The following FRMPD4 variants were observed in gnomAD, a reference collection of about 807,000 sequenced individuals.
FRMPD4 encodes the protein FERM and PDZ domain-containing protein 4.
Under a neutral mutation model 94.1 loss-of-function variants are expected in FRMPD4, and 22 were observed. That is an observed-to-expected ratio of 0.23 (90% CI 0.17 to 0.33). The LOEUF is 0.33. FRMPD4 is among the 10% of genes least tolerant of loss of function. FRMPD4 has a pLI of 1.00. For synonymous variants in FRMPD4, 631 were observed against 548.6 expected, an observed-to-expected ratio of 1.15 and a Z score of -2.10; for missense variants, 1,111 against 1,339.9, an observed-to-expected ratio of 0.83 and a Z score of 2.67.
chrX:12,550,557 CT>C (rs1329714144), intron 2 of FRMPD4, among the ~76,000 whole-genome samples: 1 of 111,602 alleles, frequency 9.0e-6, no homozygotes, highest in Non-Finnish European at 1.9e-5. Flanking sequence ...AGTGCAAAAA[CT>C]GTAGTACTGT....
chrX:12,234,052 C>T (rs1021030833), intron 1 of FRMPD4, among the ~76,000 whole-genome samples: 3 of 110,134 alleles, frequency 2.7e-5, no homozygotes, highest in Non-Finnish European at 3.8e-5. Flanking sequence ...TTTCCTTCTT[C>T]AGTTTGCAAG....
At chrX:12,205,216 T>C (rs1300277259) in intron 1 of FRMPD4, among the ~76,000 whole-genome samples, 1 of 110,704 alleles carries the variant, frequency 9.0e-6, no homozygotes, top group African/African-American at 3.3e-5. Flanking sequence ...CCAAGATAGA[T>C]GAGGATTTAT....
intron 11 of FRMPD4, among the ~76,000 whole-genome samples, chrX:12,706,082 G>T (rs2147147090): frequency 1.0e-5 from 1 of 99,617 alleles, no homozygotes; most frequent in African/African-American, 4.9e-5. Flanking sequence ...TATGAAACAT[G>T]GACCTTTTTT....
At chrX:12,435,289 A>G (rs2057052742) in intron 1 of FRMPD4, among the ~76,000 whole-genome samples, 1 of 111,666 alleles carries the variant, frequency 9.0e-6, no homozygotes, top group Admixed American at 9.5e-5. Flanking sequence ...TTCTTCCTTT[A>G]CAATCCTAAA....
chrX:12,652,086 C>T (rs2059600462), intron 4 of FRMPD4, among the ~76,000 whole-genome samples: 1 of 112,660 alleles, frequency 8.9e-6, no homozygotes, highest in African/African-American at 3.2e-5. Flanking sequence ...GAGCCATTTG[C>T]CAATGGTCTT....
intron 3 of FRMPD4, among the ~76,000 whole-genome samples, chrX:11,900,305 G>A (rs977778925): frequency 9.0e-6 from 1 of 111,148 alleles, no homozygotes; most frequent in Non-Finnish European, 1.9e-5. Context: ...AGGGGAAGAA[G>A]ACGGAGACAA....
At chrX:12,572,198 G>A (rs1466311627) in intron 2 of FRMPD4, among the ~76,000 whole-genome samples, 4 of 112,092 alleles carry the variant, frequency 3.6e-5, no homozygotes, top group Admixed American at 1.9e-4. Context: ...AATAACAAAC[G>A]CTATTTGGTT....
intron 3 of FRMPD4, among the ~76,000 whole-genome samples, chrX:11,896,640 A>G (rs2053905659): frequency 8.9e-6 from 1 of 111,977 alleles, no homozygotes; most frequent in Non-Finnish European, 1.9e-5. Context: ...TAAGGCACCC[A>G]TTTTGTGTTG....
chrX:12,553,114 G>A (rs377613206), intron 2 of FRMPD4, among the ~76,000 whole-genome samples: 9 of 110,909 alleles, frequency 8.1e-5, no homozygotes, highest in South Asian at 3.9e-4. Context: ...AGCCATGATT[G>A]TGCCATTGCA....
At chrX:12,249,430 A>G (rs371957370) in intron 1 of FRMPD4, among the ~76,000 whole-genome samples, 2 of 111,235 alleles carry the variant, frequency 1.8e-5, no homozygotes, top group East Asian at 5.7e-4. Context: ...GGACAAAGCT[A>G]GCTAACACTG....
At chrX:11,955,411 G>C (rs2054250036) in intron 3 of FRMPD4, among the ~76,000 whole-genome samples, 1 of 110,429 alleles carries the variant, frequency 9.1e-6, no homozygotes, top group Non-Finnish European at 1.9e-5. Flanking sequence ...AGGATCATTT[G>C]AGCCCAGGAG....
intron 2 of FRMPD4, among the ~76,000 whole-genome samples, chrX:12,547,761 G>A (rs1227444976): frequency 8.9e-6 from 1 of 112,193 alleles, no homozygotes; most frequent in Non-Finnish European, 1.9e-5. Context: ...TGATGATCAG[G>A]TATGCCTTTT....
Position 12,718,766 on chromosome X carries a change from C to T in FRMPD4, c.3940C>T (p.Leu1314Phe). The T allele has an allele frequency of 7.5e-6, 9 of 1,198,836 alleles. No individual in the cohort carries two copies. The highest frequency in any genetic ancestry group is 9.0e-6 in the Non-Finnish European group (8 of 884,278). ...CACATTGAGAGATGGATGCCATCGG[C>T]TCCCCAAGATTAAGGAAACCACAGG... ...FGTLRDGCHRLPKIKETTALT... is the reference protein window; with the variant it reads ...FGTLRDGCHRFPKIKETTALT... The change falls in exon 16 of 17, where the codon CTC becomes TTC. Residue 1314 changes from leucine (L) to phenylalanine (F), a missense_variant. Coordinates refer to ENST00000675598, the MANE Select transcript of FRMPD4 (RefSeq NM_001368397.1).
intron 1 of FRMPD4, among the ~76,000 whole-genome samples, chrX:12,391,752 T>TA (rs1448431333): frequency 1.8e-5 from 2 of 110,912 alleles, no homozygotes; most frequent in Non-Finnish European, 3.8e-5. Context: ...AGCTTCTGGA[T>TA]AGAGCAGGAA....
chrX:11,843,045 A>G (rs1352165521), intron 1 of FRMPD4, among the ~76,000 whole-genome samples: 1 of 112,208 alleles, frequency 8.9e-6, no homozygotes. Context: ...TCTCTTATCT[A>G]CTGAGATGAT....
At chrX:12,272,144 G>A (rs939535573) in intron 1 of FRMPD4, among the ~76,000 whole-genome samples, 5 of 112,057 alleles carry the variant, frequency 4.5e-5, no homozygotes, top group Non-Finnish European at 9.4e-5. Flanking sequence ...AAATGATGTA[G>A]TACATGTAAA....
Position 12,193,821 on chromosome X carries a change from AGGAAGGAG to A in FRMPD4, c.41+54817_41+54824del, listed in dbSNP as rs1306853915. On this transcript the variant is annotated intron_variant, in intron 1 of 16. Coordinates refer to ENST00000675598, the MANE Select transcript of FRMPD4 (RefSeq NM_001368397.1). ...AAGGAAGGAAGGAAGGAAGGAAGGA[AGGAAGGAG>A]GGAAGGAAGAAAGAAAAGAAAGAAA... Among the ~76,000 whole-genome samples, 23 of 38,100 alleles carry A rather than the reference AGGAAGGAG, an allele frequency of 6.0e-4. 4 individuals are homozygous for A. Among genetic ancestry groups the A allele is most frequent in the African/African-American group, 3.6e-3 (22 of 6,122 alleles). The allele number at this position is 38,100 out of a possible 115,157, so 33.1% of individuals were successfully genotyped here.
chrX:12,431,186 G>A (rs2057005875), intron 1 of FRMPD4, among the ~76,000 whole-genome samples: 1 of 112,608 alleles, frequency 8.9e-6, no homozygotes, highest in Non-Finnish European at 1.9e-5. Flanking sequence ...TATGTTTTCT[G>A]CTCTCAAGGA....
intron 3 of FRMPD4, among the ~76,000 whole-genome samples, chrX:11,935,268 TG>T (rs1428054821): frequency 1.9e-3 from 22 of 11,872 alleles, no homozygotes; most frequent in South Asian, 3.9e-3. Flanking sequence ...TTTTTTAATG[TG>T]TTTTTTTTTT....
Sources: gnomAD v4.1 joint callset for allele counts (sites outside exome capture counted in the v4.1 genomes callset) on GRCh38, gnomAD v4.1.1 for gene constraint, MANE v1.5 for transcripts, NCBI Gene and HGNC (gene_info 2026-07-23, HGNC 2026-07-21) for gene names.